Variants in LRRC49 observed in about 807,000 individuals in gnomAD.
LRRC49 encodes the protein leucine-rich repeat-containing protein 49.
A neutral mutation model predicts 83.3 loss-of-function variants in LRRC49; 50 were observed. That is an observed-to-expected ratio of 0.60 (90% CI 0.48 to 0.76). LRRC49 has a LOEUF of 0.76. Ranked by LOEUF, LRRC49 falls within the 30% of genes least tolerant of loss-of-function variation. The probability of loss-of-function intolerance (pLI) is 0.00; values close to 1 mark genes in which losing one functional copy is unlikely to be tolerated. For synonymous variants in LRRC49, 286 were observed against 283.3 expected, an observed-to-expected ratio of 1.01 and a Z score of -0.10; for missense variants, 704 against 809.1, an observed-to-expected ratio of 0.87 and a Z score of 1.58.
intron 14 of LRRC49, among the ~76,000 whole-genome samples, chr15:71,015,080 G>C (rs1458197884): frequency 2.6e-5 from 4 of 152,072 alleles, no homozygotes; most frequent in Admixed American, 2.0e-4. Flanking sequence ...AGAAAATAAT[G>C]GGTCAGGATA....
intron 8 of LRRC49, among the ~76,000 whole-genome samples, chr15:70,954,314 A>G (rs937575243): frequency 6.6e-6 from 1 of 151,994 alleles, no homozygotes; most frequent in Non-Finnish European, 1.5e-5. Flanking sequence ...TTAAATGGTT[A>G]TGTCATCTTT....
At chr15:71,045,925 A>T (rs1034559491) in intron 15 of LRRC49, among the ~76,000 whole-genome samples, 1 of 152,164 alleles carries the variant, frequency 6.6e-6, no homozygotes, top group Non-Finnish European at 1.5e-5. Flanking sequence ...GCTCCCACTT[A>T]TAAGTGAGAA....
At chr15:70,964,593 C>A (rs962833772) in intron 9 of LRRC49, among the ~76,000 whole-genome samples, 1 of 152,058 alleles carries the variant, frequency 6.6e-6, no homozygotes, top group Admixed American at 6.6e-5. Flanking sequence ...GGTTTCTGAT[C>A]TAAGGAAATG....
chr15:70,943,208 C>T (rs1212408513), intron 8 of LRRC49, among the ~76,000 whole-genome samples: 2 of 151,706 alleles, frequency 1.3e-5, no homozygotes, highest in Non-Finnish European at 2.9e-5. Flanking sequence ...TAAAGTGATA[C>T]TTATTATAGA....
rs143361823 is a variant in LRRC49 at position 71,009,854 on chromosome 15, C to T, written c.1455C>T (p.Asn485=). 55 of 1,612,162 alleles carry T rather than the reference C, an allele frequency of 3.4e-5. 2 individuals are homozygous for T. The African/African-American group carries it at 4.4e-4, about 13-fold the overall frequency. The change falls in exon 13 of 16, where the codon AAC becomes AAT. Residue 485 remains asparagine, a synonymous_variant. Coordinates refer to ENST00000260382, the MANE Select transcript of LRRC49 (RefSeq NM_017691.5). The part of the protein sequence containing the change: ...ETNLVMLQQF[N]ALAQLRRIDQ... The stretch of plus-strand genomic sequence containing the variant: ...ATCTTGTAATGCTGCAGCAATTTAA[C>T]GCACTAGCCCAACTCCGTCGTATTG...
At chr15:70,893,346 T>C in intron 1 of LRRC49, 1 of 577,120 alleles carries the variant, frequency 1.7e-6, no homozygotes, top group Non-Finnish European at 3.0e-6. Flanking sequence ...CCTGAGGTAC[T>C]AACTAGAGGG....
chr15:70,942,613 T>C (rs2035860505), intron 8 of LRRC49, among the ~76,000 whole-genome samples: 1 of 152,174 alleles, frequency 6.6e-6, no homozygotes, highest in African/African-American at 2.4e-5. Flanking sequence ...CTCTGTAAAA[T>C]ATTTGAAGAG....
intron 8 of LRRC49, among the ~76,000 whole-genome samples, chr15:70,939,175 A>G (rs1420958250): frequency 6.6e-6 from 1 of 152,148 alleles, no homozygotes; most frequent in Non-Finnish European, 1.5e-5. Flanking sequence ...GTTAGAGTTT[A>G]TTGTACTTTC....
At chr15:70,968,556 G>C (rs1413896500) in intron 9 of LRRC49, among the ~76,000 whole-genome samples, 1 of 152,086 alleles carries the variant, frequency 6.6e-6, no homozygotes, top group Non-Finnish European at 1.5e-5. Context: ...AGGAATTGCT[G>C]CACTGTCTTC....
intron 2 of LRRC49, among the ~76,000 whole-genome samples, chr15:70,883,935 C>T (rs530079257): frequency 1.3e-5 from 2 of 152,050 alleles, no homozygotes; most frequent in East Asian, 3.9e-4. Flanking sequence ...GGATTACAGG[C>T]GTGTGCTATT....
intron 11 of LRRC49, among the ~76,000 whole-genome samples, chr15:71,002,939 C>CTTTTTTTTTTTTTTTT (rs35998597): frequency 2.3e-5 from 1 of 43,036 alleles, no homozygotes; most frequent in Non-Finnish European, 3.8e-5. Flanking sequence ...ATTTTCTGGC[C>CTTTTTTTTTTTTTTTT]TTTTTTTTTT....
At position 70,980,146 on chromosome 15, in the gene LRRC49, G is replaced by A. The variant is rs754839966; in HGVS notation, c.967G>A (p.Glu323Lys). Residue 323 changes from glutamate (E) to lysine (K), a missense_variant, in exon 10 of 16, where the codon GAG becomes AAG. Coordinates refer to ENST00000260382, the MANE Select transcript of LRRC49 (RefSeq NM_017691.5). ...MASVLAKKEE[E>K]KKRESHKQSL... Reference sequence around the variant, plus strand: ...ATCTGTTTTAGCCAAAAAAGAGGAAGAGAAGAAGCGGGAAAGTCATAAACA... The same window carrying A: ...ATCTGTTTTAGCCAAAAAAGAGGAAAAGAAGAAGCGGGAAAGTCATAAACA... The A allele has an allele frequency of 6.2e-7, 1 of 1,612,356 alleles. No homozygotes were observed. Among genetic ancestry groups the A allele is most frequent in the Non-Finnish European group, 8.5e-7 (1 of 1,179,234 alleles).
chr15:71,011,687 T>C (rs188465703), intron 13 of LRRC49, among the ~76,000 whole-genome samples: 9 of 152,270 alleles, frequency 5.9e-5, no homozygotes, highest in Admixed American at 3.3e-4. Flanking sequence ...GTGGCCTGCA[T>C]TGGCCACTAG....
chr15:71,012,648 T>C (rs919592939), intron 13 of LRRC49, among the ~76,000 whole-genome samples, 156 bp from the exon 14 acceptor site: 1 of 152,044 alleles, frequency 6.6e-6, no homozygotes, highest in Admixed American at 6.6e-5. Context: ...GAAAGAAAAA[T>C]ATCAATGAAA....
chr15:70,946,636 C>G (rs2036017736), intron 8 of LRRC49, among the ~76,000 whole-genome samples: 1 of 152,020 alleles, frequency 6.6e-6, no homozygotes, highest in South Asian at 2.1e-4. Flanking sequence ...CATATGGTAG[C>G]TCTAATTTTA....
rs914264759 is a variant in LRRC49 at position 70,984,152 on chromosome 15, G to C, written c.1064G>C (p.Arg355Pro). The change falls in exon 11 of 16, where the codon CGA becomes CCA. Residue 355 changes from arginine (R) to proline (P), a missense_variant. Arg to Pro is a moderately radical substitution (Grantham distance 103). Transcript: ENST00000260382. ...CGACAGTGGGACTTGCAACAACAAC[G>C]AGTAGCCAATATTGCTACAAATGAA... ...VARQWDLQQQRVANIATNEDR... is the reference protein window; with the variant it reads ...VARQWDLQQQPVANIATNEDR... 10 of 1,553,916 alleles carry C rather than the reference G, an allele frequency of 6.4e-6. No homozygotes were observed. The highest frequency in any genetic ancestry group is 1.7e-4 in the Middle Eastern group (1 of 5,956).
At chr15:70,976,265 G>T (rs540010753) in intron 9 of LRRC49, among the ~76,000 whole-genome samples, 2 of 152,116 alleles carry the variant, frequency 1.3e-5, no homozygotes, top group Non-Finnish European at 2.9e-5. Context: ...CTAACACTAG[G>T]TGTGACCCTG....
At chr15:71,045,288 A>G (rs2039821462) in intron 15 of LRRC49, among the ~76,000 whole-genome samples, 1 of 152,188 alleles carries the variant, frequency 6.6e-6, no homozygotes, top group Non-Finnish European at 1.5e-5. Flanking sequence ...AGCAAAGTTG[A>G]AAGAATTTTA....
intron 9 of LRRC49, among the ~76,000 whole-genome samples, chr15:70,978,674 C>T (rs1292992436): frequency 6.6e-6 from 1 of 152,112 alleles, no homozygotes; most frequent in Admixed American, 6.6e-5. Context: ...CCATTTGATA[C>T]AGCAGTTTCG....
Sources: gnomAD v4.1 joint callset for allele counts (sites outside exome capture counted in the v4.1 genomes callset) on GRCh38, gnomAD v4.1.1 for gene constraint, MANE v1.5 for transcripts, NCBI Gene and HGNC (gene_info 2026-07-23, HGNC 2026-07-21) for gene names.